The following RBPMS variants were observed in gnomAD, a reference collection of about 807,000 sequenced individuals.
The protein encoded by RBPMS is RNA binding protein, mRNA processing factor.
In RBPMS, 7 loss-of-function variants were observed where a neutral mutation model predicts 26.8. The observed-to-expected ratio is 0.26, with a 90% CI of 0.15 to 0.49. The LOEUF (loss-of-function observed/expected upper bound fraction) is 0.49. Among genes scored for constraint, RBPMS ranks in the 20% least tolerant of loss-of-function variants. The pLI is 0.98. For missense variants in RBPMS, 186 were observed against 250.0 expected, an observed-to-expected ratio of 0.74 and a Z score of 1.73; for synonymous variants, 96 against 93.3, an observed-to-expected ratio of 1.03 and a Z score of -0.17.
chr8:30,512,085 T>A (rs1020039476), intron 5 of RBPMS, among the ~76,000 whole-genome samples: 2 of 152,112 alleles, frequency 1.3e-5, no homozygotes, highest in African/African-American at 4.8e-5. Flanking sequence ...TCTCTCTGTT[T>A]TTGAAGATTG....
intron 5 of RBPMS, among the ~76,000 whole-genome samples, chr8:30,538,105 G>A (rs1256197063): frequency 2.0e-5 from 3 of 152,140 alleles, no homozygotes; most frequent in Non-Finnish European, 4.4e-5. Context: ...CCATGATAGA[G>A]AGAAAATAGA....
chr8:30,468,163 G>A (rs1416603491), intron 1 of RBPMS, among the ~76,000 whole-genome samples: 1 of 152,008 alleles, frequency 6.6e-6, no homozygotes, highest in African/African-American at 2.4e-5. Context: ...ATGAGTTTGG[G>A]CTTTTCTTTC....
chr8:30,455,902 A>C (rs1291678015), intron 1 of RBPMS, among the ~76,000 whole-genome samples: 1 of 152,082 alleles, frequency 6.6e-6, no homozygotes, highest in Admixed American at 6.5e-5. Context: ...AAAATAAATA[A>C]AAATAAATAA....
chr8:30,385,492 T>G, intron 1 of RBPMS: 4 of 210,314 alleles, frequency 1.9e-5, no homozygotes, highest in Non-Finnish European at 3.7e-5. Flanking sequence ...GGTCAGGACT[T>G]AGGGCCGGGG....
At chr8:30,408,786 C>G (rs900069848) in intron 1 of RBPMS, among the ~76,000 whole-genome samples, 1 of 152,122 alleles carries the variant, frequency 6.6e-6, no homozygotes, top group Non-Finnish European at 1.5e-5. Flanking sequence ...GAACTATCAC[C>G]ACTATCTAAT....
At chr8:30,468,639 G>C (rs1314403290) in intron 1 of RBPMS, among the ~76,000 whole-genome samples, 4 of 152,044 alleles carry the variant, frequency 2.6e-5, no homozygotes, top group African/African-American at 9.7e-5. Flanking sequence ...TAAGTCAGTC[G>C]AGATATTTAT....
chr8:30,428,388 G>A (rs537563685), intron 1 of RBPMS, among the ~76,000 whole-genome samples: 1 of 152,068 alleles, frequency 6.6e-6, no homozygotes, highest in South Asian at 2.1e-4. Context: ...CCAAGGAGTT[G>A]GAGGCTGTGG....
rs569853923 is a variant in RBPMS at position 30,452,404 on chromosome 8, T to C, written c.67-22375T>C. Among the ~76,000 whole-genome samples the C allele has an allele frequency of 4.6e-5, 7 of 152,222 alleles. No individual in the cohort carries two copies. The East Asian group carries it at 1.4e-3, about 29-fold the overall frequency. ...TAGACTAGATGTCACTGGGCAGGGC[T>C]GGGATTGGGGGGTGTTGGAGGTAGA... On this transcript the variant is annotated intron_variant, in intron 1 of 8. Transcript: ENST00000397323.
intron 1 of RBPMS, among the ~76,000 whole-genome samples, chr8:30,438,231 C>G (rs571843631): frequency 6.6e-6 from 1 of 152,158 alleles, no homozygotes; most frequent in Admixed American, 6.5e-5. Flanking sequence ...CCAGCCCGAG[C>G]AACAGAGTGA....
chr8:30,411,899 T>C (rs577640548), intron 1 of RBPMS, among the ~76,000 whole-genome samples: 5 of 151,500 alleles, frequency 3.3e-5, no homozygotes, highest in Middle Eastern at 3.4e-3. Context: ...GGCAGGAGAA[T>C]TGCTTGAACG....
Position 30,563,231 on chromosome 8 carries a change from T to C in RBPMS, c.*8-3026T>C, listed in dbSNP as rs547595101. 3.1e-4 allele frequency among the ~76,000 whole-genome samples: 47 copies of C among 152,344 alleles called. 1 individual carries two copies. In the South Asian group the frequency reaches 9.7e-3, roughly 32 times the overall value. On this transcript the variant is annotated intron_variant, in intron 7 of 8. Transcript: ENST00000397323. Reference sequence around the variant, plus strand: ...TACTGGTGTTTTAATTTGCTCCGCCTCTTGCTGATGGATGGTGTTGAGTTT... The same window carrying C: ...TACTGGTGTTTTAATTTGCTCCGCCCCTTGCTGATGGATGGTGTTGAGTTT...
intron 5 of RBPMS, among the ~76,000 whole-genome samples, chr8:30,508,727 C>T (rs1184555850): frequency 6.6e-6 from 1 of 151,480 alleles, no homozygotes; most frequent in Non-Finnish European, 1.5e-5. Flanking sequence ...CTTCAAAGTA[C>T]TTTTTAAACT....
intron 5 of RBPMS, among the ~76,000 whole-genome samples, chr8:30,504,785 T>C (rs1026081060): frequency 6.6e-6 from 1 of 152,202 alleles, no homozygotes; most frequent in African/African-American, 2.4e-5. Flanking sequence ...TCTCAGCATT[T>C]ACTTTAATCC....
intron 4 of RBPMS, among the ~76,000 whole-genome samples, chr8:30,502,941 GC>G (rs147323644): frequency 0.23 from 35,208 of 151,996 alleles, 4,518 homozygotes; most frequent in East Asian, 0.39. Flanking sequence ...CTATCTGTTC[GC>G]TTTTTGGTGT....
intron 1 of RBPMS, among the ~76,000 whole-genome samples, chr8:30,438,391 C>T (rs1449730872): frequency 6.6e-6 from 1 of 152,140 alleles, no homozygotes; most frequent in Non-Finnish European, 1.5e-5. Flanking sequence ...GAAGTGTTGA[C>T]GTGGTCATTA....
At chr8:30,503,484 C>T (rs1820777354) in intron 4 of RBPMS, among the ~76,000 whole-genome samples, 1 of 151,382 alleles carries the variant, frequency 6.6e-6, no homozygotes, top group Non-Finnish European at 1.5e-5. Flanking sequence ...GTGTTGAACT[C>T]CCGAGCTCAG....
At chr8:30,556,515 C>T (rs952163780) in intron 6 of RBPMS, 1 of 986,294 alleles carries the variant, frequency 1.0e-6, no homozygotes, top group African/African-American at 1.7e-5. Flanking sequence ...CCTCCCCCTC[C>T]TGTGTCTCCT....
chr8:30,462,208 C>A (rs759597724), intron 1 of RBPMS, among the ~76,000 whole-genome samples: 3 of 151,992 alleles, frequency 2.0e-5, no homozygotes, highest in African/African-American at 7.3e-5. Context: ...GTGGTTGTAC[C>A]TTTTTGCATT....
chr8:30,560,111 G>A (rs1661439992), intron 7 of RBPMS, among the ~76,000 whole-genome samples: 1 of 152,184 alleles, frequency 6.6e-6, no homozygotes, highest in Admixed American at 6.5e-5. Context: ...GTGCCTGTCA[G>A]TGAAGAAGAA....
Sources: gnomAD v4.1 joint callset for allele counts (sites outside exome capture counted in the v4.1 genomes callset) on GRCh38, gnomAD v4.1.1 for gene constraint, MANE v1.5 for transcripts, NCBI Gene and HGNC (gene_info 2026-07-23, HGNC 2026-07-21) for gene names.